The following SLC25A32 variants were observed in gnomAD, a reference collection of about 807,000 sequenced individuals.
SLC25A32 encodes the protein solute carrier family 25 member 32.
SLC25A32 carries 32 observed loss-of-function variants against 39.0 expected under a neutral mutation model. The observed-to-expected ratio is 0.82, with a 90% CI of 0.62 to 1.10. The LOEUF (loss-of-function observed/expected upper bound fraction) is 1.10, where lower values mean the gene tolerates loss of function less well. Among genes scored for constraint, SLC25A32 ranks in the 50% least tolerant of loss-of-function variants. The pLI is 0.00. For synonymous variants in SLC25A32, 166 were observed against 152.4 expected (o/e 1.09, Z -0.66); for missense variants, 367 against 395.3 (o/e 0.93, Z 0.61).
rs1184056502 is a variant in SLC25A32 at position 103,400,228 on chromosome 8, T to C, written c.*183A>G. The C allele has an allele frequency of 5.4e-6, 3 of 558,116 alleles. No homozygotes were observed. Among genetic ancestry groups the C allele is most frequent in the Non-Finnish European group, 8.5e-6 (3 of 351,970 alleles). The allele number at this position is 558,116 out of a possible 1,614,324, so 34.6% of individuals were successfully genotyped here. ...GGCAGAGGTAGCCAAGTTCCATATATATGGGGAAGGCAAAAAGCAAGAAAA... is the reference window on the plus strand; with the variant it reads ...GGCAGAGGTAGCCAAGTTCCATATACATGGGGAAGGCAAAAAGCAAGAAAA... On this transcript the variant is annotated 3_prime_UTR_variant, in exon 7 of 7. Transcript: ENST00000297578.
At chr8:103,403,600 A>T (rs924072916) in intron 3 of SLC25A32, among the ~76,000 whole-genome samples, 3 of 152,140 alleles carry the variant, frequency 2.0e-5, no homozygotes, top group African/African-American at 7.2e-5. Flanking sequence ...TTTGAAGTGT[A>T]AGGATAGCAA....
chr8:103,406,120 T>C lies in SLC25A32; in HGVS notation c.306-1259A>G, dbSNP rs1369770656. On this transcript the variant is annotated intron_variant, in intron 2 of 6. Transcript: ENST00000297578. The stretch of plus-strand genomic sequence containing the variant: ...ACATAAACATATCTATATATACATA[T>C]ATACATACATTCTATACACACATAT... Among the ~76,000 whole-genome samples the C allele has an allele frequency of 2.0e-5, 3 of 151,630 alleles. No individual in the cohort carries two copies. In the East Asian group the frequency reaches 5.8e-4, roughly 29 times the overall value.
chr8:103,402,489 A>C (rs572173818), intron 4 of SLC25A32: 1 of 152,448 alleles, frequency 6.6e-6, no homozygotes, highest in Admixed American at 6.5e-5. Context: ...CAGTAAAATC[A>C]TATCAGCCTT....
In SLC25A32 at chr8:103,402,072, T is replaced by C. The variant is rs945897458; in HGVS notation, c.553-18A>G. 2 of 1,547,826 alleles carry C rather than the reference T, an allele frequency of 1.3e-6. No homozygotes were observed. The highest frequency in any genetic ancestry group is 2.8e-5 in the African/African-American group (2 of 72,718). ...ACAAATCCCTACAAGGGAATGATTT[T>C]TAAAAAGCAAAACAACATACGTTTG... On this transcript the variant is annotated intron_variant, in intron 4 of 6. Coordinates refer to ENST00000297578, the MANE Select transcript of SLC25A32 (RefSeq NM_030780.5).
rs987093222 is a variant in SLC25A32, at chr8:103,414,606, A to G, written c.154+178T>C. 59 of 794,728 alleles carry G rather than the reference A, an allele frequency of 7.4e-5. 2 individuals are homozygous for G. In the Middle Eastern group the frequency reaches 1.5e-3, roughly 20 times the overall value. 49.2% of individuals were successfully genotyped at this position (794,728 alleles called of 1,614,324 possible). A position where few individuals can be genotyped will look rare whatever the true frequency, so the allele number is the denominator to read the frequency against. ...CTCTCTTAGTCTTGAGGAGCGGGGA[A>G]GATCGCAGGCCGACCCCTCCACCAA... is the stretch of plus-strand genomic sequence containing the variant. On this transcript the variant is annotated intron_variant, in intron 1 of 6. Transcript: ENST00000297578.
chr8:103,402,097 G>A, intron 4 of SLC25A32, 43 bp from the exon 5 acceptor site: 1 of 1,318,398 alleles, frequency 7.6e-7, no homozygotes, highest in African/African-American at 1.5e-5. Context: ...ACATACGTTT[G>A]AAGAACAATA....
Position 103,400,363 on chromosome 8 carries a change from A to G in SLC25A32, c.*48T>C, listed in dbSNP as rs1335370225. ...TTCTTTTATGCCTTAAACACAAAAG[A>G]GCTTGTTGCTGCCTTGGGCAGATAT... On this transcript the variant is annotated 3_prime_UTR_variant, in exon 7 of 7. Coordinates refer to ENST00000297578, the MANE Select transcript of SLC25A32 (RefSeq NM_030780.5). 6.2e-7 allele frequency: 1 copy of G among 1,605,914 alleles called. No individual in the cohort carries two copies. Among genetic ancestry groups the G allele is most frequent in the African/African-American group, 1.3e-5 (1 of 74,382 alleles).
In SLC25A32 at chr8:103,400,231, G is replaced by T; in HGVS notation, c.*180C>A. 1.9e-6 allele frequency: 1 copy of T among 537,938 alleles called. No individual in the cohort carries two copies. The highest frequency in any genetic ancestry group is 3.2e-5 in the East Asian group (1 of 31,292). The allele number at this position is 537,938 out of a possible 1,614,324, so 33.3% of individuals were successfully genotyped here. A position where few individuals can be genotyped will look rare whatever the true frequency, so the allele number is the denominator to read the frequency against. ...AGAGGTAGCCAAGTTCCATATATAT[G>T]GGGAAGGCAAAAAGCAAGAAAAACA... On this transcript the variant is annotated 3_prime_UTR_variant, in exon 7 of 7. Transcript: ENST00000297578.
chr8:103,400,342 T>G lies in SLC25A32; in HGVS notation c.*69A>C. Reference sequence around the variant, plus strand: ...CCATGTTTCTATGCAGAATTCTTCTTTTATGCCTTAAACACAAAAGAGCTT... The same window carrying G: ...CCATGTTTCTATGCAGAATTCTTCTGTTATGCCTTAAACACAAAAGAGCTT... On this transcript the variant is annotated 3_prime_UTR_variant, in exon 7 of 7. Coordinates refer to ENST00000297578, the MANE Select transcript of SLC25A32 (RefSeq NM_030780.5). 1 of 1,564,802 alleles carries G rather than the reference T, an allele frequency of 6.4e-7. No homozygotes were observed. The highest frequency in any genetic ancestry group is 8.7e-7 in the Non-Finnish European group (1 of 1,145,272).
In SLC25A32 at chr8:103,400,340, C is replaced by T. The variant is rs564274491; in HGVS notation, c.*71G>A. On this transcript the variant is annotated 3_prime_UTR_variant, in exon 7 of 7. Transcript: ENST00000297578. Reference sequence around the variant, plus strand: ...AGCCATGTTTCTATGCAGAATTCTTCTTTTATGCCTTAAACACAAAAGAGC... The same window carrying T: ...AGCCATGTTTCTATGCAGAATTCTTTTTTTATGCCTTAAACACAAAAGAGC... 58 of 1,557,838 alleles carry T rather than the reference C, an allele frequency of 3.7e-5. No individual in the cohort carries two copies. The highest frequency in any genetic ancestry group is 4.8e-5 in the Non-Finnish European group (55 of 1,140,078).
At chr8:103,412,197 C>A (rs1342387079) in intron 1 of SLC25A32, among the ~76,000 whole-genome samples, 4 of 152,194 alleles carry the variant, frequency 2.6e-5, no homozygotes, top group Non-Finnish European at 4.4e-5. Context: ...CTGGGTCTTG[C>A]GATACCACAT....
chr8:103,400,384 G>A lies in SLC25A32; in HGVS notation c.*27C>T. On this transcript the variant is annotated 3_prime_UTR_variant, in exon 7 of 7. Coordinates refer to ENST00000297578, the MANE Select transcript of SLC25A32 (RefSeq NM_030780.5). The stretch of plus-strand genomic sequence containing the variant: ...AAAGAGCTTGTTGCTGCCTTGGGCA[G>A]ATATACTGGAATTGTCCTCTTTGAG... 6.2e-7 allele frequency: 1 copy of A among 1,613,476 alleles called. No homozygotes were observed. Among genetic ancestry groups the A allele is most frequent in the South Asian group, 1.1e-5 (1 of 91,006 alleles).
At chr8:103,414,270 TCTAG>T (rs770086436) in intron 1 of SLC25A32, among the ~76,000 whole-genome samples, 1 of 152,224 alleles carries the variant, frequency 6.6e-6, no homozygotes, top group Non-Finnish European at 1.5e-5. Flanking sequence ...GTATTTCGAT[TCTAG>T]CTATTTTTTC....
At chr8:103,409,344 C>A (rs1816409822) in intron 1 of SLC25A32, among the ~76,000 whole-genome samples, 1 of 152,104 alleles carries the variant, frequency 6.6e-6, no homozygotes, top group African/African-American at 2.4e-5. Flanking sequence ...TCAACAGATT[C>A]CCCCAAATAA....
chr8:103,405,042 C>T (rs535684115), intron 2 of SLC25A32, among the ~76,000 whole-genome samples, 181 bp from the exon 3 acceptor site: 1 of 152,148 alleles, frequency 6.6e-6, no homozygotes, highest in African/African-American at 2.4e-5. Context: ...TATACCACCC[C>T]TCCCTCTCAA....
At chr8:103,401,472 A>C in intron 6 of SLC25A32, 44 bp downstream of exon 6, 6 of 1,568,238 alleles carry the variant, frequency 3.8e-6, no homozygotes, top group African/African-American at 1.4e-5. Context: ...AAGATATGCA[A>C]GGTACCTTGT....
intron 6 of SLC25A32, among the ~76,000 whole-genome samples, chr8:103,400,775 C>T (rs1235754591): frequency 1.3e-5 from 2 of 152,080 alleles, no homozygotes; most frequent in Non-Finnish European, 2.9e-5. Flanking sequence ...CAAAACTGAA[C>T]TAAAAAGTGC....
At position 103,400,370 on chromosome 8, in the gene SLC25A32, T is replaced by C; in HGVS notation, c.*41A>G. Reference sequence around the variant, plus strand: ...ATGCCTTAAACACAAAAGAGCTTGTTGCTGCCTTGGGCAGATATACTGGAA... The same window carrying C: ...ATGCCTTAAACACAAAAGAGCTTGTCGCTGCCTTGGGCAGATATACTGGAA... On this transcript the variant is annotated 3_prime_UTR_variant, in exon 7 of 7. Transcript: ENST00000297578. The C allele has an allele frequency of 1.2e-6, 2 of 1,609,152 alleles. No individual in the cohort carries two copies. Among genetic ancestry groups the C allele is most frequent in the Non-Finnish European group, 1.7e-6 (2 of 1,177,952 alleles).
chr8:103,400,248 AG>A lies in SLC25A32; in HGVS notation c.*162del, dbSNP rs1395939974. 2.0e-5 allele frequency: 12 copies of A among 587,946 alleles called. No homozygotes were observed. Among genetic ancestry groups the A allele is most frequent in the Non-Finnish European group, 3.0e-5 (12 of 406,250 alleles). The allele number at this position is 587,946 out of a possible 1,614,324, so 36.4% of individuals were successfully genotyped here. A position where few individuals can be genotyped will look rare whatever the true frequency, so the allele number is the denominator to read the frequency against. The stretch of plus-strand genomic sequence containing the variant: ...ATATATATGGGGAAGGCAAAAAGCA[AG>A]AAAAACATTGCAGGAGACTTAGCAG... On this transcript the variant is annotated 3_prime_UTR_variant, in exon 7 of 7. Coordinates refer to ENST00000297578, the MANE Select transcript of SLC25A32 (RefSeq NM_030780.5).
Sources: allele counts gnomAD v4.1 joint callset (sites outside exome capture counted in the v4.1 genomes callset), GRCh38; gene constraint gnomAD v4.1.1; transcripts MANE v1.5; gene names NCBI Gene and HGNC (gene_info 2026-07-23, HGNC 2026-07-21).